The following DLGAP1 variants were observed in gnomAD, a reference collection of about 807,000 sequenced individuals.
DLGAP1 encodes DLG associated protein 1.
DLGAP1 carries 11 observed loss-of-function variants against 90.8 expected under a neutral mutation model. The ratio of observed to expected loss-of-function variants is 0.12; its 90% CI spans 0.08 to 0.20. DLGAP1 has a LOEUF of 0.20. DLGAP1 is among the 10% of genes least tolerant of loss of function. The pLI, the probability that DLGAP1 is intolerant of heterozygous loss-of-function variation, is 1.00. For missense variants in DLGAP1, 1,050 were observed against 1,333.8 expected, an observed-to-expected ratio of 0.79 and a Z score of 3.31; for synonymous variants, 558 against 540.7, an observed-to-expected ratio of 1.03 and a Z score of -0.44.
At chr18:4,071,890 T>C (rs945427342) in intron 2 of DLGAP1, among the ~76,000 whole-genome samples, 7 of 152,326 alleles carry the variant, frequency 4.6e-5, no homozygotes, top group African/African-American at 9.6e-5. Context: ...CCTAAGTATA[T>C]TGCAGCCCCC....
intron 1 of DLGAP1, among the ~76,000 whole-genome samples, chr18:4,171,111 TACA>T (rs200455517): frequency 0.01 from 1,543 of 152,264 alleles, 26 homozygotes; most frequent in African/African-American, 0.031. Flanking sequence ...TAACCAACAA[TACA>T]ACGTCTGCAT....
chr18:4,070,862 TTAAAAAA>T (rs1171415308), intron 2 of DLGAP1, among the ~76,000 whole-genome samples: 1 of 152,146 alleles, frequency 6.6e-6, no homozygotes, highest in East Asian at 1.9e-4. Context: ...TCATATTCTA[TTAAAAAA>T]TAAAAAAGTG....
intron 3 of DLGAP1, among the ~76,000 whole-genome samples, chr18:3,947,603 G>A (rs1185884689): frequency 2.0e-5 from 3 of 152,202 alleles, no homozygotes; most frequent in Non-Finnish European, 2.9e-5. Flanking sequence ...TCTGTAAGAC[G>A]TTGAAAATAC....
intron 7 of DLGAP1, among the ~76,000 whole-genome samples, chr18:3,701,250 G>T (rs342502): frequency 0.13 from 19,243 of 152,036 alleles, 2,499 homozygotes; most frequent in African/African-American, 0.33. Flanking sequence ...CAAGAAGAAA[G>T]AACCAAACAG....
intron 1 of DLGAP1, among the ~76,000 whole-genome samples, chr18:4,203,898 C>G (rs2077662177): frequency 6.6e-6 from 1 of 152,166 alleles, no homozygotes; most frequent in African/African-American, 2.4e-5. Flanking sequence ...CCGAGGAGGT[C>G]AGAAAGAACT....
chr18:3,635,091 G>T (rs2058649351), intron 7 of DLGAP1, among the ~76,000 whole-genome samples: 1 of 151,392 alleles, frequency 6.6e-6, no homozygotes, highest in South Asian at 2.1e-4. Flanking sequence ...ACCACAGAAA[G>T]TTTCATATAC....
intron 9 of DLGAP1, among the ~76,000 whole-genome samples, chr18:3,563,966 C>T (rs1357484815): frequency 6.6e-6 from 1 of 152,176 alleles, no homozygotes; most frequent in African/African-American, 2.4e-5. Flanking sequence ...TTCTCCATCT[C>T]TCTACATGTT....
chr18:4,414,002 C>T (rs1010235896), intron 1 of DLGAP1, among the ~76,000 whole-genome samples: 1 of 152,200 alleles, frequency 6.6e-6, no homozygotes, highest in Non-Finnish European at 1.5e-5. Flanking sequence ...GTCCCTCATC[C>T]TTAGGCTCTG....
intron 9 of DLGAP1, among the ~76,000 whole-genome samples, chr18:3,547,097 C>T (rs565385345): frequency 1.3e-5 from 2 of 151,822 alleles, no homozygotes; most frequent in African/African-American, 2.4e-5. Flanking sequence ...GTCAGGAGAT[C>T]GAGACCATCC....
intron 2 of DLGAP1, among the ~76,000 whole-genome samples, chr18:4,063,879 T>C (rs1354732416): frequency 1.3e-5 from 2 of 152,040 alleles, no homozygotes; most frequent in African/African-American, 4.8e-5. Flanking sequence ...CATGTATGCA[T>C]ATTAAATAAA....
chr18:3,889,154 C>G (rs2071398085), intron 3 of DLGAP1, among the ~76,000 whole-genome samples: 2 of 152,046 alleles, frequency 1.3e-5, no homozygotes, highest in South Asian at 4.1e-4. Flanking sequence ...ACTGATGAAT[C>G]TAGGAGAAAG....
chr18:3,824,570 T>C (rs1019483586), intron 4 of DLGAP1, among the ~76,000 whole-genome samples: 2 of 152,202 alleles, frequency 1.3e-5, no homozygotes, highest in African/African-American at 4.8e-5. Context: ...TAAAAAAGGT[T>C]TCGGCAAATA....
At chr18:3,772,338 CTCTCTCTCTCTTTCTT>C (rs1417360631) in intron 5 of DLGAP1, among the ~76,000 whole-genome samples, 46 of 42,310 alleles carry the variant, frequency 1.1e-3, no homozygotes, top group African/African-American at 4.2e-3. Flanking sequence ...CTCCTTCTCT[CTCTCTCTCTCTTTCTT>C]TCTTTCTTTC....
At chr18:3,531,202 C>T (rs918874210) in intron 10 of DLGAP1, among the ~76,000 whole-genome samples, 5 of 152,120 alleles carry the variant, frequency 3.3e-5, no homozygotes, top group African/African-American at 9.6e-5. Context: ...TTTGGGAGGC[C>T]GAGACGGGTG....
chr18:4,041,386 C>T (rs973287102), intron 2 of DLGAP1, among the ~76,000 whole-genome samples: 11 of 152,126 alleles, frequency 7.2e-5, no homozygotes, highest in African/African-American at 2.7e-4. Context: ...TTACAGAGGT[C>T]AGATTGTTAC....
intron 2 of DLGAP1, among the ~76,000 whole-genome samples, chr18:4,114,070 T>C (rs2076020271): frequency 6.6e-6 from 1 of 150,918 alleles, no homozygotes; most frequent in Admixed American, 6.6e-5. Context: ...TTTTTTTTTT[T>C]TTTTTTGGTT....
intron 1 of DLGAP1, among the ~76,000 whole-genome samples, chr18:4,251,410 G>T (rs1250543177): frequency 6.6e-6 from 1 of 152,150 alleles, no homozygotes; most frequent in Admixed American, 6.5e-5. Flanking sequence ...TGGACCACAG[G>T]AGTCCTAACT....
intron 8 of DLGAP1, chr18:3,580,685 G>T: frequency 6.2e-7 from 1 of 1,612,572 alleles, no homozygotes; most frequent in Non-Finnish European, 8.5e-7. Context: ...TGAGGACGAC[G>T]GTGGCCACAA....
At chr18:4,113,633 C>A (rs904020904) in intron 2 of DLGAP1, among the ~76,000 whole-genome samples, 1 of 151,978 alleles carries the variant, frequency 6.6e-6, no homozygotes, top group African/African-American at 2.4e-5. Context: ...TCCCTCTTAC[C>A]AATTTTGGTT....
Sources: allele counts gnomAD v4.1 joint callset (sites outside exome capture counted in the v4.1 genomes callset), GRCh38; gene constraint gnomAD v4.1.1; transcripts MANE v1.5; gene names NCBI Gene and HGNC (gene_info 2026-07-23, HGNC 2026-07-21).